HHIP: variants seen among roughly 807,000 people sequenced by gnomAD.
HHIP encodes the protein hedgehog-interacting protein.
A neutral mutation model predicts 74.0 loss-of-function variants in HHIP; 12 were observed. The ratio of observed to expected loss-of-function variants is 0.16; its 90% confidence interval spans 0.10 to 0.26. HHIP has a LOEUF of 0.26. HHIP is among the 10% of genes least tolerant of loss of function. The pLI is 1.00. For synonymous variants in HHIP, 309 were observed against 311.6 expected (o/e 0.99, Z 0.09); for missense variants, 788 against 845.0 (o/e 0.93, Z 0.84).
chr4:144,651,761 A>T (rs1309997087), intron 1 of HHIP, among the ~76,000 whole-genome samples: 1 of 151,788 alleles, frequency 6.6e-6, no homozygotes, highest in Non-Finnish European at 1.5e-5. Context: ...AACAAGACCT[A>T]TCTGTCCACT....
intron 4 of HHIP, among the ~76,000 whole-genome samples, chr4:144,670,276 C>T (rs978669693): frequency 6.6e-6 from 1 of 151,688 alleles, no homozygotes; most frequent in Non-Finnish European, 1.5e-5. Context: ...GCCTGGCCCA[C>T]ATAGTGAAAC....
intron 11 of HHIP, among the ~76,000 whole-genome samples, chr4:144,733,043 G>C (rs1731005537): frequency 6.6e-6 from 1 of 152,136 alleles, no homozygotes; most frequent in South Asian, 2.1e-4. Context: ...AAATGAGAAA[G>C]AAATAGAATA....
intron 4 of HHIP, among the ~76,000 whole-genome samples, chr4:144,664,817 T>C (rs1029912235): frequency 3.3e-5 from 5 of 152,224 alleles, no homozygotes; most frequent in African/African-American, 1.2e-4. Context: ...TTTTGTATAC[T>C]GAATGGCATT....
intron 4 of HHIP, among the ~76,000 whole-genome samples, chr4:144,692,569 G>A (rs1199400909): frequency 2.6e-5 from 4 of 151,980 alleles, no homozygotes; most frequent in South Asian, 4.1e-4. Context: ...CTTTGCTAAC[G>A]CCCTAGTCTG....
chr4:144,735,983 A>G (rs1731105495), intron 12 of HHIP, among the ~76,000 whole-genome samples: 1 of 152,134 alleles, frequency 6.6e-6, no homozygotes, highest in Admixed American at 6.5e-5. Flanking sequence ...TTTAAAACAA[A>G]TGCTTACATG....
chr4:144,696,075 G>A (rs1258971356), intron 4 of HHIP, among the ~76,000 whole-genome samples: 2 of 151,844 alleles, frequency 1.3e-5, no homozygotes, highest in African/African-American at 4.8e-5. Flanking sequence ...TGTGAGAAGA[G>A]TTCTTCCCTC....
At chr4:144,658,463 G>C (rs768275872) in intron 2 of HHIP, among the ~76,000 whole-genome samples, 1 of 151,080 alleles carries the variant, frequency 6.6e-6, no homozygotes, top group African/African-American at 2.4e-5. Flanking sequence ...TCCACCTCCC[G>C]GTTCAAGTGA....
intron 4 of HHIP, among the ~76,000 whole-genome samples, chr4:144,690,492 A>G (rs1305318130): frequency 6.6e-6 from 1 of 152,210 alleles, no homozygotes; most frequent in Non-Finnish European, 1.5e-5. Context: ...AAGTTATTCC[A>G]TAGAAACTAG....
chr4:144,669,642 T>C (rs1325621764), intron 4 of HHIP, among the ~76,000 whole-genome samples: 1 of 152,162 alleles, frequency 6.6e-6, no homozygotes, highest in Non-Finnish European at 1.5e-5. Flanking sequence ...AAAGAGAATG[T>C]CAATGAATAT....
At chr4:144,669,493 A>G (rs1450661261) in intron 4 of HHIP, among the ~76,000 whole-genome samples, 2 of 152,194 alleles carry the variant, frequency 1.3e-5, no homozygotes. Flanking sequence ...AAGTTCATCT[A>G]TTCACTCACT....
intron 11 of HHIP, among the ~76,000 whole-genome samples, chr4:144,726,308 T>C (rs1385722551): frequency 6.6e-6 from 1 of 152,156 alleles, no homozygotes; most frequent in Non-Finnish European, 1.5e-5. Context: ...AAGTCCTGAT[T>C]TCATTAGAAG....
chr4:144,726,866 C>T (rs960655816), intron 11 of HHIP, among the ~76,000 whole-genome samples: 2 of 152,188 alleles, frequency 1.3e-5, no homozygotes, highest in Non-Finnish European at 2.9e-5. Context: ...GGTGCACATC[C>T]ACTTTTCAGA....
chr4:144,717,267 A>G (rs1364983617), intron 10 of HHIP, among the ~76,000 whole-genome samples: 1 of 152,166 alleles, frequency 6.6e-6, no homozygotes, highest in African/African-American at 2.4e-5. Flanking sequence ...TTTGCATATT[A>G]TTTTTTTAAC....
chr4:144,733,719 A>T (rs1731028337), intron 11 of HHIP, among the ~76,000 whole-genome samples: 1 of 152,168 alleles, frequency 6.6e-6, no homozygotes. Flanking sequence ...TTAACTGAAA[A>T]GAAACTTCTC....
rs377372128 is a variant in HHIP at position 144,646,733 on chromosome 4, G to A, written c.58G>A (p.Glu20Lys). 1 of 1,614,078 alleles carries A rather than the reference G, an allele frequency of 6.2e-7. No homozygotes were observed. Among genetic ancestry groups the A allele is most frequent in the African/African-American group, 1.3e-5 (1 of 74,920 alleles). Residue 20 changes from glutamate to lysine, a missense_variant, in exon 1 of 13, where the codon GAA becomes AAA. By Grantham distance (56) the Glu-to-Lys change is moderately conservative (BLOSUM62 1). This residue lies in a region of HHIP where 373 missense variants were observed against 366.4 expected (regional missense o/e 1.02). Transcript: ENST00000296575. ...GCTGGCCGTGGCTCTGGGCTTCTTTGAAGGAGATGCTAAGTTTGGGGAAAG... is the reference window on the plus strand; with the variant it reads ...GCTGGCCGTGGCTCTGGGCTTCTTTAAAGGAGATGCTAAGTTTGGGGAAAG... ...LLLAVALGFF[E>K]GDAKFGERNE...
intron 4 of HHIP, chr4:144,660,208 T>C (rs1309542160): frequency 9.9e-6 from 3 of 303,648 alleles, no homozygotes; most frequent in Non-Finnish European, 1.8e-5. Flanking sequence ...ATTTTGGCAA[T>C]TGCAAATCAT....
intron 4 of HHIP, among the ~76,000 whole-genome samples, chr4:144,696,002 C>T (rs1310387153): frequency 6.6e-6 from 1 of 151,948 alleles, no homozygotes; most frequent in East Asian, 1.9e-4. Context: ...TAGGACTTCA[C>T]ATTCTCTACT....
chr4:144,721,745 T>C (rs1730642715), intron 11 of HHIP, among the ~76,000 whole-genome samples: 1 of 151,570 alleles, frequency 6.6e-6, no homozygotes, highest in African/African-American at 2.4e-5. Context: ...CTAGTAAAAC[T>C]ACAAAAAATT....
rs1578735504 is a variant in HHIP, at chr4:144,738,041, A to G, written c.*84A>G. The stretch of plus-strand genomic sequence containing the variant: ...AAAAAAAAAAGACTGTTATCCTGCT[A>G]CACACTCCTGTGATTTCATTCTCTT... On this transcript the variant is annotated 3_prime_UTR_variant, in exon 13 of 13. Coordinates refer to ENST00000296575, the MANE Select transcript of HHIP (RefSeq NM_022475.3). The G allele has an allele frequency of 1.4e-6, 2 of 1,444,892 alleles. No homozygotes were observed. The highest frequency in any genetic ancestry group is 2.6e-4 in the Middle Eastern group (1 of 3,848). The allele number at this position is 1,444,892 out of a possible 1,614,324, so 89.5% of individuals were successfully genotyped here.
Sources: allele counts gnomAD v4.1 joint callset (sites outside exome capture counted in the v4.1 genomes callset), GRCh38; gene constraint gnomAD v4.1.1; regional missense constraint gnomAD v4.1.1; transcripts MANE v1.5; gene names NCBI Gene and HGNC (gene_info 2026-07-23, HGNC 2026-07-21).